The following HAGH variants were observed in gnomAD, a reference collection of about 807,000 sequenced individuals.
HAGH encodes hydroxyacylglutathione hydrolase, mitochondrial.
HAGH carries 29 observed loss-of-function variants against 35.1 expected under a neutral mutation model. That is an observed-to-expected ratio of 0.83 (90% CI 0.62 to 1.13). HAGH has a LOEUF of 1.13. Among genes scored for constraint, HAGH ranks in the 50% most tolerant of loss-of-function variants. The pLI, the probability that HAGH is intolerant of heterozygous loss-of-function variation, is 0.00. For missense variants in HAGH, 478 were observed against 419.6 expected, an observed-to-expected ratio of 1.14 and a Z score of -1.22; for synonymous variants, 225 against 176.1, an observed-to-expected ratio of 1.28 and a Z score of -2.20.
intron 1 of HAGH, among the ~76,000 whole-genome samples, chr16:1,823,744 T>TAAAAAAAA (rs71145496): frequency 1.6e-4 from 9 of 55,922 alleles, no homozygotes; most frequent in African/African-American, 7.2e-4. Flanking sequence ...ACCTGTTCCT[T>TAAAAAAAA]AAAAAAAAAA....
chr16:1,823,008 T>C lies in HAGH; in HGVS notation c.106A>G (p.Thr36Ala), dbSNP rs1389856148. The change falls in exon 2 of 9, where the codon ACA becomes GCA. Residue 36 changes from threonine to alanine, a missense_variant. Transcript: ENST00000397356. ...GPALLGVFCHTDLRKNLTVDE... is the reference protein window; with the variant it reads ...GPALLGVFCHADLRKNLTVDE... ...ACGGTCAGGTTCTTCCGCAAATCTG[T>C]GTGGCAGAAAACTCCCAGCAGGGCT... The C allele has an allele frequency of 1.9e-6, 3 of 1,613,928 alleles. No individual in the cohort carries two copies. Among genetic ancestry groups the C allele is most frequent in the Non-Finnish European group, 2.5e-6 (3 of 1,180,028 alleles).
intron 8 of HAGH, 27 bp from the exon 9 acceptor site, chr16:1,809,409 G>A (rs1427092236): frequency 6.3e-7 from 1 of 1,577,310 alleles, no homozygotes; most frequent in Non-Finnish European, 8.7e-7. Context: ...CGGGCTGCAG[G>A]CTGTGCCGAG....
At position 1,817,171 on chromosome 16, in the gene HAGH, G is replaced by T. The variant is rs749337311; in HGVS notation, c.642C>A (p.Asp214Glu). 3 of 1,602,158 alleles carry T rather than the reference G, an allele frequency of 1.9e-6. No homozygotes were observed. Among genetic ancestry groups the T allele is most frequent in the South Asian group, 2.2e-5 (2 of 90,868 alleles). The change falls in exon 6 of 9, where the codon GAC becomes GAA. Residue 214 changes from aspartate (D) to glutamate (E), a missense_variant. Physicochemically the swap from Asp to Glu is conservative, Grantham distance 45. Transcript: ENST00000397356. ...CCCGCAGGGAGGCGCTGCCTACTGT[G>T]TCCGGGGGGAGCCGGCCCAAGACCT... ...LLEVLGRLPP[D>E]TRVYCGHEYT...
At chr16:1,822,641 C>A (rs1033393166) in intron 2 of HAGH, among the ~76,000 whole-genome samples, 2 of 152,216 alleles carry the variant, frequency 1.3e-5, no homozygotes, top group African/African-American at 2.4e-5. Context: ...GGGCAGAAAG[C>A]CCCCAAGAAG....
At position 1,812,134 on chromosome 16, in the gene HAGH, G is replaced by T. The variant is rs1352184874; in HGVS notation, c.748-2301C>A. Among the ~76,000 whole-genome samples the T allele has an allele frequency of 6.7e-5, 10 of 149,200 alleles. No homozygotes were observed. In the East Asian group the frequency reaches 2.0e-3, roughly 29 times the overall value. ...GAACCCAGGAGGCGGAGGTTGCAGT[G>T]AGCCGAGATTGTGCCACTGCACTCC... is the stretch of plus-strand genomic sequence containing the variant. On this transcript the variant is annotated intron_variant, in intron 7 of 8. Transcript: ENST00000397356.
At chr16:1,819,039 C>T in intron 5 of HAGH, 76 bp downstream of exon 5, 1 of 914,720 alleles carries the variant, frequency 1.1e-6, no homozygotes, top group Non-Finnish European at 1.8e-6. Flanking sequence ...CACGAAGCTG[C>T]CCCGTGAGCC....
chr16:1,819,454 G>C (rs187733115), intron 4 of HAGH, among the ~76,000 whole-genome samples: 1 of 152,246 alleles, frequency 6.6e-6, no homozygotes, highest in Non-Finnish European at 1.5e-5. Context: ...CAAGGGGCTT[G>C]TTTCCTCCTT....
intron 8 of HAGH, 148 bp from the exon 9 acceptor site, chr16:1,809,530 G>T: frequency 1.5e-6 from 1 of 689,114 alleles, no homozygotes; most frequent in South Asian, 1.6e-5. Flanking sequence ...CTCCCCTTCT[G>T]ACAGGTTCTG....
chr16:1,818,136 T>C (rs1596927031), intron 5 of HAGH, among the ~76,000 whole-genome samples: 1 of 152,220 alleles, frequency 6.6e-6, no homozygotes, highest in African/African-American at 2.4e-5. Flanking sequence ...AGAGGCGAAC[T>C]TGGGGCCTGG....
At chr16:1,826,304 C>T (rs1204999368) in intron 1 of HAGH, among the ~76,000 whole-genome samples, 2 of 150,762 alleles carry the variant, frequency 1.3e-5, no homozygotes, top group African/African-American at 4.8e-5. Flanking sequence ...GGCGGCGCCG[C>T]GAGACCGCGG....
At chr16:1,814,786 T>C (rs976262354) in intron 7 of HAGH, among the ~76,000 whole-genome samples, 2 of 151,888 alleles carry the variant, frequency 1.3e-5, no homozygotes, top group African/African-American at 4.8e-5. Flanking sequence ...TAGTCCCAGC[T>C]ACTTGGGAGG....
chr16:1,818,162 G>A (rs1219882837), intron 5 of HAGH, among the ~76,000 whole-genome samples: 1 of 152,158 alleles, frequency 6.6e-6, no homozygotes, highest in East Asian at 1.9e-4. Flanking sequence ...CTGCTCCACA[G>A]GGCTGTCCTT....
Position 1,808,033 on chromosome 16 carries a change from G to A in HAGH, c.*1250C>T, listed in dbSNP as rs1897479225. Reference sequence around the variant, plus strand: ...CACTGACAGAGCAGTCAGTCAGTCAGTGAATAGGTCAAATGTTTCAGAACA... The same window carrying A: ...CACTGACAGAGCAGTCAGTCAGTCAATGAATAGGTCAAATGTTTCAGAACA... On this transcript the variant is annotated 3_prime_UTR_variant, in exon 9 of 9. Transcript: ENST00000397356. 2 of 152,276 alleles carry A rather than the reference G, an allele frequency of 1.3e-5. No individual in the cohort carries two copies. Among genetic ancestry groups the A allele is most frequent in the African/African-American group, 4.8e-5 (2 of 41,452 alleles). 9.4% of individuals were successfully genotyped at this position (152,276 alleles called of 1,614,324 possible). A position where few individuals can be genotyped will look rare whatever the true frequency, so the allele number is the denominator to read the frequency against.
chr16:1,809,259 A>G lies in HAGH; in HGVS notation c.*24T>C, dbSNP rs940446063. 2 of 1,525,756 alleles carry G rather than the reference A, an allele frequency of 1.3e-6. No homozygotes were observed. Among genetic ancestry groups the G allele is most frequent in the Non-Finnish European group, 1.8e-6 (2 of 1,109,378 alleles). The allele number at this position is 1,525,756 out of a possible 1,614,324, so 94.5% of individuals were successfully genotyped here. A position where few individuals can be genotyped will look rare whatever the true frequency, so the allele number is the denominator to read the frequency against. On this transcript the variant is annotated 3_prime_UTR_variant, in exon 9 of 9. Coordinates refer to ENST00000397356, the MANE Select transcript of HAGH (RefSeq NM_005326.6). ...TTACCTAAAAGAGCCTAATCCCCAA[A>G]TCCGCTGAAGGTGCAGGGCGGCCTC...
In HAGH at chr16:1,826,730, A is replaced by G. The variant is rs1294896090; in HGVS notation, c.58T>C (p.Cys20Arg). The stretch of plus-strand genomic sequence containing the variant: ...CACCCACCGAGGCCTCGGCGGGCGC[A>G]GGCGGCTCCCAGCGCGGCGAGGCTG... ...RRSLAALGAA[C>R]ARRGLGPALL... is the part of the protein sequence containing the mutation. The change falls in exon 1 of 9, where the codon TGC becomes CGC. Residue 20 changes from cysteine (C) to arginine (R), a missense_variant. Coordinates refer to ENST00000397356, the MANE Select transcript of HAGH (RefSeq NM_005326.6). 1 of 1,163,902 alleles carries G rather than the reference A, an allele frequency of 8.6e-7. No individual in the cohort carries two copies. Among genetic ancestry groups the G allele is most frequent in the Non-Finnish European group, 1.1e-6 (1 of 945,210 alleles). The allele number at this position is 1,163,902 out of a possible 1,614,324, so 72.1% of individuals were successfully genotyped here.
chr16:1,817,369 C>A (rs112575251), intron 5 of HAGH, 98 bp from the exon 6 acceptor site: 61,204 of 804,706 alleles, frequency 0.076, 2,733 homozygotes, highest in African/African-American at 0.16. Flanking sequence ...CGGCAAGGCC[C>A]AGGCCCCGAA....
chr16:1,825,944 C>T (rs1166581948), intron 1 of HAGH, among the ~76,000 whole-genome samples: 1 of 152,202 alleles, frequency 6.6e-6, no homozygotes, highest in Non-Finnish European at 1.5e-5. Flanking sequence ...GGGCTGGGGC[C>T]TCCCTTAGAA....
chr16:1,827,122 G>C, upstream of HAGH: 1 of 1,426,414 alleles, frequency 7.0e-7, no homozygotes, highest in Non-Finnish European at 9.4e-7. Context: ...ATCGCGAGGT[G>C]GAACGGGCCG....
chr16:1,809,359 G>A lies in HAGH; in HGVS notation c.851C>T (p.Ala284Val). The part of the protein sequence containing the change: ...RVREKTVQQH[A>V]GETDPVTTMR... ...GGTGGTCACCGGGTCCGTCTCACCT[G>A]CGTGCTGCTGCACCGTCTTCTCCCT... is the stretch of plus-strand genomic sequence containing the variant. The change falls in exon 9 of 9, where the codon GCA (alanine) becomes GTA (valine). Residue 284 changes from alanine to valine, a missense_variant. By Grantham distance (64) the Ala-to-Val change is moderately conservative. Coordinates refer to ENST00000397356, the MANE Select transcript of HAGH (RefSeq NM_005326.6). 1 of 1,612,298 alleles carries A rather than the reference G, an allele frequency of 6.2e-7. No homozygotes were observed.
Sources: gnomAD v4.1 joint callset for allele counts (sites outside exome capture counted in the v4.1 genomes callset) on GRCh38, gnomAD v4.1.1 for gene constraint, MANE v1.5 for transcripts, NCBI Gene and HGNC (gene_info 2026-07-23, HGNC 2026-07-21) for gene names.